The following PDZD8 variants were observed in gnomAD, a reference collection of about 807,000 sequenced individuals.
PDZD8 encodes the protein PDZ domain containing 8.
A neutral mutation model predicts 85.8 loss-of-function variants in PDZD8; 14 were observed. The observed-to-expected ratio is 0.16, with a 90% confidence interval of 0.11 to 0.26. PDZD8 has a LOEUF of 0.26. Among genes scored for constraint, PDZD8 ranks in the 10% least tolerant of loss-of-function variants. The probability of loss-of-function intolerance (pLI) is 1.00; values close to 1 mark genes in which losing one functional copy is unlikely to be tolerated. For synonymous variants in PDZD8, 592 were observed against 568.6 expected, an observed-to-expected ratio of 1.04 and a Z score of -0.59; for missense variants, 1,197 against 1,424.3, an observed-to-expected ratio of 0.84 and a Z score of 2.57.
chr10:117,296,837 G>A (rs921113421), intron 3 of PDZD8, among the ~76,000 whole-genome samples: 1 of 152,036 alleles, frequency 6.6e-6, no homozygotes, highest in Non-Finnish European at 1.5e-5. Context: ...TAAATTTATA[G>A]ATGAAAATAC....
At chr10:117,325,548 G>A (rs561341404) in intron 2 of PDZD8, among the ~76,000 whole-genome samples, 81 of 151,710 alleles carry the variant, frequency 5.3e-4, no homozygotes, top group Non-Finnish European at 6.3e-4. Flanking sequence ...GATTACAGGC[G>A]CGTGCCACCA....
intron 2 of PDZD8, among the ~76,000 whole-genome samples, chr10:117,339,398 A>G (rs192902407): frequency 6.6e-6 from 1 of 152,294 alleles, no homozygotes; most frequent in Admixed American, 6.5e-5. Flanking sequence ...CCAAACCAAG[A>G]AAGGTTGGCT....
chr10:117,326,118 TC>T (rs1844312322), intron 2 of PDZD8, among the ~76,000 whole-genome samples: 1 of 152,134 alleles, frequency 6.6e-6, no homozygotes, highest in South Asian at 2.1e-4. Context: ...GAACTGTGAG[TC>T]AATTAAACCT....
At chr10:117,304,301 G>A (rs1001360987) in intron 3 of PDZD8, among the ~76,000 whole-genome samples, 3 of 152,066 alleles carry the variant, frequency 2.0e-5, no homozygotes, top group Admixed American at 2.0e-4. Flanking sequence ...GTAACCCTTT[G>A]TTTTGGCCAA....
At position 117,279,598 on chromosome 10, in the gene PDZD8, A is replaced by G. The variant is rs1237362808; in HGVS notation, c.*3670T>C. 1 of 152,212 alleles carries G rather than the reference A, an allele frequency of 6.6e-6. No individual in the cohort carries two copies. The highest frequency in any genetic ancestry group is 6.5e-5 in the Admixed American group (1 of 15,288). 9.4% of individuals were successfully genotyped at this position (152,212 alleles called of 1,614,324 possible). A position where few individuals can be genotyped will look rare whatever the true frequency, so the allele number is the denominator to read the frequency against. ...GACCATACTTTTTTGGCTTTCCACA[A>G]TTTATTTTAAATTGAGATATGTAAC... On this transcript the variant is annotated 3_prime_UTR_variant, in exon 5 of 5. Coordinates refer to ENST00000334464, the MANE Select transcript of PDZD8 (RefSeq NM_173791.5).
Position 117,285,027 on chromosome 10 carries a change from G to T in PDZD8, c.1706C>A (p.Thr569Asn). 2 of 1,614,050 alleles carry T rather than the reference G, an allele frequency of 1.2e-6. No homozygotes were observed. Among genetic ancestry groups the T allele is most frequent in the African/African-American group, 2.7e-5 (2 of 75,004 alleles). ...KDGNKPPPLK[T>N]SEITDPAQVS... ...TTGTGCTGGGTCTGTTATCTCAGAAGTTTTTAGGGGTGGAGGTTTATTTCC... is the reference window on the plus strand; with the variant it reads ...TTGTGCTGGGTCTGTTATCTCAGAATTTTTTAGGGGTGGAGGTTTATTTCC... The change falls in exon 5 of 5, where the codon ACT becomes AAT. Residue 569 changes from threonine to asparagine, a missense_variant. This residue lies in a region of PDZD8 where 263 missense variants were observed against 261.9 expected (regional missense o/e 1.00). Coordinates refer to ENST00000334464, the MANE Select transcript of PDZD8 (RefSeq NM_173791.5).
chr10:117,336,389 T>C (rs1170103004), intron 2 of PDZD8, among the ~76,000 whole-genome samples: 3 of 152,230 alleles, frequency 2.0e-5, no homozygotes, highest in Non-Finnish European at 4.4e-5. Context: ...AAGTGTCCTC[T>C]GAAGAGGTCT....
chr10:117,330,552 C>T (rs945146751), intron 2 of PDZD8, among the ~76,000 whole-genome samples: 1 of 152,120 alleles, frequency 6.6e-6, no homozygotes, highest in African/African-American at 2.4e-5. Context: ...CCTTTGCCTC[C>T]CCTGCCTATT....
At chr10:117,364,683 C>T (rs1295943424) in intron 1 of PDZD8, among the ~76,000 whole-genome samples, 1 of 151,940 alleles carries the variant, frequency 6.6e-6, no homozygotes, top group African/African-American at 2.4e-5. Flanking sequence ...GTGGTGGGAG[C>T]ATACCTGAGA....
intron 4 of PDZD8, among the ~76,000 whole-genome samples, chr10:117,289,788 C>A (rs1402023085): frequency 3.3e-5 from 5 of 152,066 alleles, no homozygotes; most frequent in Non-Finnish European, 7.4e-5. Flanking sequence ...GTGATGGGGG[C>A]AGTAGTGCTA....
intron 3 of PDZD8, among the ~76,000 whole-genome samples, chr10:117,317,374 T>C (rs1366051740): frequency 1.3e-5 from 2 of 151,864 alleles, no homozygotes; most frequent in Non-Finnish European, 2.9e-5. Flanking sequence ...TTCTCCTCCC[T>C]AGGAATATTA....
At chr10:117,287,249 AC>A (rs1331270462) in intron 4 of PDZD8, among the ~76,000 whole-genome samples, 4 of 151,750 alleles carry the variant, frequency 2.6e-5, no homozygotes, top group African/African-American at 9.7e-5. Flanking sequence ...AACACTTTAC[AC>A]AATTGGTTCT....
At chr10:117,364,082 T>C (rs985260541) in intron 1 of PDZD8, among the ~76,000 whole-genome samples, 1 of 152,126 alleles carries the variant, frequency 6.6e-6, no homozygotes, top group Admixed American at 6.6e-5. Flanking sequence ...TTTGTTTGTG[T>C]GTGGGAATGG....
chr10:117,312,830 G>A (rs1468262825), intron 3 of PDZD8, among the ~76,000 whole-genome samples: 5 of 151,476 alleles, frequency 3.3e-5, no homozygotes, highest in East Asian at 3.9e-4. Context: ...ATTTGTCCTC[G>A]CCCTATCCAG....
intron 4 of PDZD8, among the ~76,000 whole-genome samples, chr10:117,288,279 G>A (rs879080663): frequency 6.6e-6 from 1 of 151,882 alleles, no homozygotes; most frequent in Admixed American, 6.6e-5. Flanking sequence ...TTGACATGGG[G>A]AAAGTTTACA....
chr10:117,296,060 C>T (rs1843752378), intron 3 of PDZD8, among the ~76,000 whole-genome samples: 2 of 151,352 alleles, frequency 1.3e-5, no homozygotes, highest in African/African-American at 2.4e-5. Context: ...TACTATGATC[C>T]TATACATAGA....
intron 1 of PDZD8, among the ~76,000 whole-genome samples, chr10:117,373,245 G>A (rs1001958999): frequency 1.3e-5 from 2 of 152,054 alleles, no homozygotes; most frequent in Non-Finnish European, 2.9e-5. Flanking sequence ...ATGCTGGAAG[G>A]CTTAAACAAA....
chr10:117,330,900 T>C (rs370983566), intron 2 of PDZD8, among the ~76,000 whole-genome samples: 1 of 152,214 alleles, frequency 6.6e-6, no homozygotes, highest in Non-Finnish European at 1.5e-5. Flanking sequence ...TTTTATCTTA[T>C]GGCTCTTTTT....
intron 1 of PDZD8, among the ~76,000 whole-genome samples, chr10:117,341,869 A>G (rs1161663403): frequency 6.6e-6 from 1 of 152,262 alleles, no homozygotes; most frequent in South Asian, 2.1e-4. Flanking sequence ...AGCAACATCA[A>G]TAACAATTAA....
Sources: gnomAD v4.1 joint callset for allele counts (sites outside exome capture counted in the v4.1 genomes callset) on GRCh38, gnomAD v4.1.1 for gene constraint, gnomAD v4.1.1 regional missense constraint, MANE v1.5 for transcripts, NCBI Gene and HGNC (gene_info 2026-07-23, HGNC 2026-07-21) for gene names.